The following INSC variants were observed in gnomAD, a reference collection of about 807,000 sequenced individuals.
INSC encodes the protein protein inscuteable homolog.
Under a neutral mutation model 58.6 loss-of-function variants are expected in INSC, and 67 were observed. The observed-to-expected ratio is 1.14, with a 90% CI of 0.94 to 1.40. The LOEUF is 1.40. INSC is among the 40% of genes most tolerant of loss of function. The pLI, the probability that INSC is intolerant of heterozygous loss-of-function variation, is 0.00. For missense variants in INSC, 714 were observed against 692.0 expected (o/e 1.03, Z -0.36); for synonymous variants, 262 against 276.1 (o/e 0.95, Z 0.51).
At chr11:15,265,236 C>T in the INSC span, among the ~76,000 whole-genome samples, 119,443 of 152,026 alleles carry the variant, frequency 0.79, 47,087 homozygotes, top group South Asian at 0.89. Flanking sequence ...AGACTTATTG[C>T]GAAGAATGTA....
the INSC span, among the ~76,000 whole-genome samples, chr11:15,265,383 G>T: frequency 6.6e-6 from 1 of 151,934 alleles, no homozygotes; most frequent in Non-Finnish European, 1.5e-5. Flanking sequence ...TTGTAAGATA[G>T]AAATATTTTG....
At chr11:15,161,326 AAAAATGATATAGAACACGTCAG>A (rs1372972968) in intron 2 of INSC, among the ~76,000 whole-genome samples, 1 of 152,262 alleles carries the variant, frequency 6.6e-6, no homozygotes, top group Non-Finnish European at 1.5e-5. Context: ...TTGATTAACA[AAAAATGATATAGAACACGTCAG>A]AAAATGATAT....
At position 15,241,751 on chromosome 11, in the gene INSC, A is replaced by G. The variant is rs1852365385; in HGVS notation, c.1470+1228A>G. 53 of 607,598 alleles carry G rather than the reference A, an allele frequency of 8.7e-5. No homozygotes were observed. The South Asian group carries it at 1.1e-3, about 13-fold the overall frequency. The allele number at this position is 607,598 out of a possible 1,614,324, so 37.6% of individuals were successfully genotyped here. ...AAGTAAAATATATAGAATTAAAACC[A>G]AAGTGAATTATATTAAAAATTATTA... is the stretch of plus-strand genomic sequence containing the variant. On this transcript the variant is annotated intron_variant, in intron 12 of 12. Coordinates refer to ENST00000379556, the MANE Select transcript of INSC (RefSeq NM_001042536.3).
At chr11:15,114,710 TC>T (rs1054879938), upstream of INSC, among the ~76,000 whole-genome samples, 13 of 151,642 alleles carry the variant, frequency 8.6e-5, no homozygotes, top group Admixed American at 2.6e-4. Context: ...GGGCCATGTT[TC>T]CCCCCCCAGG....
At chr11:15,223,827 C>T (rs1210397685) in intron 8 of INSC, among the ~76,000 whole-genome samples, 1 of 152,172 alleles carries the variant, frequency 6.6e-6, no homozygotes, top group African/African-American at 2.4e-5. Context: ...ATCTGTTTTT[C>T]CAGTCCTGGG....
intron 2 of INSC, among the ~76,000 whole-genome samples, chr11:15,163,984 C>T (rs144304120): frequency 3.8e-3 from 572 of 152,178 alleles, no homozygotes; most frequent in African/African-American, 0.013. Flanking sequence ...TCTTGTTTAG[C>T]CTTTGTTTCT....
At chr11:15,149,898 T>C (rs572140168) in intron 2 of INSC, among the ~76,000 whole-genome samples, 2 of 152,268 alleles carry the variant, frequency 1.3e-5, no homozygotes, top group East Asian at 3.9e-4. Flanking sequence ...TTAAATTACA[T>C]GAAAACGATT....
intron 9 of INSC, among the ~76,000 whole-genome samples, chr11:15,233,067 C>G (rs1409798097): frequency 6.6e-6 from 1 of 152,152 alleles, no homozygotes; most frequent in African/African-American, 2.4e-5. Flanking sequence ...GGTTAGGTAA[C>G]ATGGCCAAGA....
At chr11:15,229,944 A>AT (rs1287600877) in intron 9 of INSC, among the ~76,000 whole-genome samples, 4 of 18,348 alleles carry the variant, frequency 2.2e-4, no homozygotes, top group African/African-American at 9.6e-4. Context: ...ATATATATAT[A>AT]ATATTATATA....
Position 15,246,406 on chromosome 11 carries a change from C to G in INSC, c.*366C>G, listed in dbSNP as rs936690815. The G allele has an allele frequency of 6.4e-6, 1 of 155,184 alleles. No individual in the cohort carries two copies. The highest frequency in any genetic ancestry group is 1.4e-5 in the Non-Finnish European group (1 of 70,190). 9.6% of individuals were successfully genotyped at this position (155,184 alleles called of 1,614,324 possible). ...GAACCAGAGGATTTCAACTGCCTAG[C>G]AAGTTTTTTTTTTAAGTTGGATTTG... On this transcript the variant is annotated 3_prime_UTR_variant, in exon 13 of 13. Coordinates refer to ENST00000379556, the MANE Select transcript of INSC (RefSeq NM_001042536.3).
At chr11:15,163,664 G>A (rs944712975) in intron 2 of INSC, among the ~76,000 whole-genome samples, 2 of 152,128 alleles carry the variant, frequency 1.3e-5, no homozygotes, top group African/African-American at 4.8e-5. Context: ...TGCGATCTTG[G>A]CTCACTGCAA....
intron 5 of INSC, among the ~76,000 whole-genome samples, chr11:15,183,413 T>C (rs1293902771): frequency 7.0e-6 from 1 of 141,986 alleles, no homozygotes; most frequent in Non-Finnish European, 1.5e-5. Context: ...TGTGAGCAGC[T>C]TCTCAATTCA....
chr11:15,118,875 TC>T (rs1180535182), intron 1 of INSC, among the ~76,000 whole-genome samples: 1 of 152,214 alleles, frequency 6.6e-6, no homozygotes, highest in African/African-American at 2.4e-5. Context: ...CTTTTTAGGC[TC>T]TTTCCATCTT....
chr11:15,132,918 T>C (rs1848157990), intron 1 of INSC, among the ~76,000 whole-genome samples: 1 of 152,214 alleles, frequency 6.6e-6, no homozygotes. Flanking sequence ...TTGATTGCTT[T>C]CAAAATCTTT....
chr11:15,235,492 G>T, intron 9 of INSC, 110 bp from the exon 10 acceptor site: 1 of 813,844 alleles, frequency 1.2e-6, no homozygotes, highest in Non-Finnish European at 2.2e-6. Context: ...GGACAGGAAG[G>T]AGTCACGGGA....
At chr11:15,250,433 G>A (rs970593574), downstream of INSC, among the ~76,000 whole-genome samples, 2 of 152,198 alleles carry the variant, frequency 1.3e-5, no homozygotes, top group Non-Finnish European at 2.9e-5. Context: ...CATCATAACT[G>A]TCATCATTTT....
chr11:15,218,395 T>C (rs1170096277), intron 7 of INSC, among the ~76,000 whole-genome samples: 1 of 152,040 alleles, frequency 6.6e-6, no homozygotes, highest in Non-Finnish European at 1.5e-5. Context: ...AAACTCAGAG[T>C]AATGGCCCAT....
At chr11:15,174,834 G>A (rs1176631443) in intron 2 of INSC, among the ~76,000 whole-genome samples, 2 of 152,148 alleles carry the variant, frequency 1.3e-5, no homozygotes, top group South Asian at 4.1e-4. Flanking sequence ...TTCGAGAGTG[G>A]AGGCTTAACA....
chr11:15,255,701 A>C, the INSC span, among the ~76,000 whole-genome samples: 1 of 150,010 alleles, frequency 6.7e-6, no homozygotes, highest in Non-Finnish European at 1.5e-5. Flanking sequence ...CAGAAATAAG[A>C]GGCTATTTGT....
Sources: allele counts gnomAD v4.1 joint callset (sites outside exome capture counted in the v4.1 genomes callset), GRCh38; gene constraint gnomAD v4.1.1; transcripts MANE v1.5; gene names NCBI Gene and HGNC (gene_info 2026-07-23, HGNC 2026-07-21).